The following BBS9 variants were observed in gnomAD, a reference collection of about 807,000 sequenced individuals.
BBS9 encodes Bardet-Biedl syndrome 9, also known as protein PTHB1.
A neutral mutation model predicts 117.7 loss-of-function variants in BBS9; 89 were observed. The observed-to-expected ratio is 0.76, with a 90% CI of 0.64 to 0.90. The LOEUF (loss-of-function observed/expected upper bound fraction) is 0.90. Ranked by LOEUF, BBS9 falls within the 40% of genes least tolerant of loss-of-function variation. BBS9 has a pLI of 0.00. For synonymous variants in BBS9, 379 were observed against 370.9 expected (o/e 1.02, Z -0.25); for missense variants, 982 against 1,042.2 (o/e 0.94, Z 0.80).
intron 19 of BBS9, among the ~76,000 whole-genome samples, chr7:33,400,605 C>T (rs761730412): frequency 6.6e-6 from 1 of 152,048 alleles, no homozygotes; most frequent in Non-Finnish European, 1.5e-5. Flanking sequence ...GAAAACAAAG[C>T]CAGTTTCCTT....
At chr7:33,392,290 G>A (rs1827194737) in intron 19 of BBS9, among the ~76,000 whole-genome samples, 1 of 152,300 alleles carries the variant, frequency 6.6e-6, no homozygotes, top group Admixed American at 6.5e-5. Context: ...TCTGGGTCAT[G>A]CTTGGCTGAT....
chr7:33,397,996 A>T (rs1279544683), intron 19 of BBS9, among the ~76,000 whole-genome samples: 1 of 152,176 alleles, frequency 6.6e-6, no homozygotes, highest in Non-Finnish European at 1.5e-5. Context: ...GAAGAAAAAA[A>T]AATAAAAATT....
intron 21 of BBS9, among the ~76,000 whole-genome samples, chr7:33,550,295 C>G (rs1471283280): frequency 6.6e-6 from 1 of 151,758 alleles, no homozygotes; most frequent in African/African-American, 2.4e-5. Context: ...TTGTATTTTC[C>G]TTTAGATTTT....
At chr7:33,311,960 CAATTTT>C (rs1044761429) in intron 9 of BBS9, among the ~76,000 whole-genome samples, 1 of 152,062 alleles carries the variant, frequency 6.6e-6, no homozygotes, top group African/African-American at 2.4e-5. Flanking sequence ...ATATTAAAAG[CAATTTT>C]AATTTTGAAA....
chr7:33,450,773 ATTCT>A (rs1269916590), intron 19 of BBS9, among the ~76,000 whole-genome samples: 1 of 150,958 alleles, frequency 6.6e-6, no homozygotes, highest in Non-Finnish European at 1.5e-5. Context: ...CTGGATATTA[ATTCT>A]TTGTCACATA....
chr7:33,182,473 C>T (rs1038405049), intron 5 of BBS9, among the ~76,000 whole-genome samples: 4 of 152,174 alleles, frequency 2.6e-5, no homozygotes, highest in Non-Finnish European at 5.9e-5. Context: ...GAACAATTTT[C>T]AAGAGTCAAA....
chr7:33,386,004 A>G (rs1004146832), intron 18 of BBS9, among the ~76,000 whole-genome samples: 1 of 152,160 alleles, frequency 6.6e-6, no homozygotes, highest in Non-Finnish European at 1.5e-5. Flanking sequence ...GCGGAGAGGG[A>G]TAGCATTAGG....
At chr7:33,582,037 C>G (rs2129161618) in intron 21 of BBS9, among the ~76,000 whole-genome samples, 1 of 151,598 alleles carries the variant, frequency 6.6e-6, no homozygotes, top group Non-Finnish European at 1.5e-5. Flanking sequence ...TTTTTCTTTT[C>G]TTTTCTTTTT....
At chr7:33,293,733 A>G (rs1253804074) in intron 9 of BBS9, among the ~76,000 whole-genome samples, 1 of 152,204 alleles carries the variant, frequency 6.6e-6, no homozygotes, top group African/African-American at 2.4e-5. Flanking sequence ...TATTAGACTC[A>G]GTACTCTAGT....
chr7:33,274,117 G>C (rs1308207076), intron 9 of BBS9, among the ~76,000 whole-genome samples, 161 bp downstream of exon 9: 2 of 152,138 alleles, frequency 1.3e-5, no homozygotes, highest in Admixed American at 6.5e-5. Context: ...ACTTTTATTG[G>C]AAAGGAAGGA....
intron 5 of BBS9, among the ~76,000 whole-genome samples, chr7:33,183,153 T>C (rs1365950496): frequency 6.6e-6 from 1 of 152,180 alleles, no homozygotes; most frequent in Non-Finnish European, 1.5e-5. Context: ...GTGAGAGGGA[T>C]CTATTTTCAA....
chr7:33,323,126 A>G (rs1812082111), intron 9 of BBS9, among the ~76,000 whole-genome samples: 1 of 151,816 alleles, frequency 6.6e-6, no homozygotes, highest in Non-Finnish European at 1.5e-5. Context: ...TTTTTTTTGA[A>G]TGTTTTAGGA....
intron 18 of BBS9, among the ~76,000 whole-genome samples, chr7:33,386,393 A>T (rs1458225303): frequency 6.6e-6 from 1 of 151,984 alleles, no homozygotes; most frequent in African/African-American, 2.4e-5. Flanking sequence ...TGAGTTAGTG[A>T]TTCACATGAC....
chr7:33,270,219 A>G (rs1799566163), intron 7 of BBS9, among the ~76,000 whole-genome samples: 1 of 152,086 alleles, frequency 6.6e-6, no homozygotes, highest in Non-Finnish European at 1.5e-5. Flanking sequence ...ACTATACTCA[A>G]TTTACACCTC....
Position 33,273,063 on chromosome 7 carries a change from T to C in BBS9, c.754T>C (p.Ser252Pro). 1 of 1,613,802 alleles carries C rather than the reference T, an allele frequency of 6.2e-7. No homozygotes were observed. Among genetic ancestry groups the C allele is most frequent in the Non-Finnish European group, 8.5e-7 (1 of 1,179,802 alleles). Residue 252 changes from serine to proline, a missense_variant, in exon 8 of 23, where the codon TCT becomes CCT. Ser to Pro is a moderately conservative substitution (Grantham distance 74, BLOSUM62 -1). Coordinates refer to ENST00000242067, the MANE Select transcript of BBS9 (RefSeq NM_198428.3). ...GCAAGCCCTTGACATATGTATTGTC[T>C]CTTTCAATCAGTCGGCATCCTCTGT... ...GEQALDICIV[S>P]FNQSASSVFV...
At chr7:33,588,919 A>C (rs1861410739) in intron 21 of BBS9, among the ~76,000 whole-genome samples, 1 of 152,156 alleles carries the variant, frequency 6.6e-6, no homozygotes, top group African/African-American at 2.4e-5. Context: ...TGGAGGGACC[A>C]GATCATGTGC....
At chr7:33,365,556 C>T (rs1325411385) in intron 16 of BBS9, among the ~76,000 whole-genome samples, 1 of 152,282 alleles carries the variant, frequency 6.6e-6, no homozygotes, top group Middle Eastern at 3.4e-3. Context: ...CTCTTTTTCT[C>T]CCACCAGGGA....
intron 9 of BBS9, among the ~76,000 whole-genome samples, chr7:33,287,662 T>C (rs1043706481): frequency 1.3e-5 from 2 of 152,170 alleles, no homozygotes; most frequent in African/African-American, 4.8e-5. Context: ...CCACTGACTT[T>C]TGTTCCCTAA....
chr7:33,514,992 T>C (rs1847526815), intron 20 of BBS9, among the ~76,000 whole-genome samples: 1 of 152,140 alleles, frequency 6.6e-6, no homozygotes, highest in African/African-American at 2.4e-5. Flanking sequence ...TGAGATAAAG[T>C]ACATGAAGTT....
Sources: allele counts gnomAD v4.1 joint callset (sites outside exome capture counted in the v4.1 genomes callset), GRCh38; gene constraint gnomAD v4.1.1; transcripts MANE v1.5; gene names NCBI Gene and HGNC (gene_info 2026-07-23, HGNC 2026-07-21).